Variants in CHORDC1 observed in about 807,000 individuals in gnomAD.
CHORDC1 encodes cysteine and histidine rich domain containing 1, also known as cysteine and histidine-rich domain-containing protein 1.
Under a neutral mutation model 48.3 loss-of-function variants are expected in CHORDC1, and 25 were observed. The observed-to-expected ratio is 0.52, with a 90% CI of 0.38 to 0.72. The LOEUF (loss-of-function observed/expected upper bound fraction) is 0.72, where lower values mean the gene tolerates loss of function less well. CHORDC1 is among the 30% of genes least tolerant of loss of function. CHORDC1 has a pLI of 0.00. For synonymous variants in CHORDC1, 128 were observed against 126.4 expected, an observed-to-expected ratio of 1.01 and a Z score of -0.09; for missense variants, 317 against 388.7, an observed-to-expected ratio of 0.82 and a Z score of 1.55.
At chr11:90,220,959 A>C (rs970296753) in intron 1 of CHORDC1, among the ~76,000 whole-genome samples, 3 of 152,142 alleles carry the variant, frequency 2.0e-5, no homozygotes, top group Admixed American at 1.3e-4. Context: ...TGTCTCCCTT[A>C]AACACCCTTT....
At chr11:90,221,482 A>T (rs1400265238) in intron 1 of CHORDC1, among the ~76,000 whole-genome samples, 1 of 152,220 alleles carries the variant, frequency 6.6e-6, no homozygotes, top group Non-Finnish European at 1.5e-5. Flanking sequence ...CAATTCACAC[A>T]TGGATACAGA....
At position 90,202,843 on chromosome 11, in the gene CHORDC1, C is replaced by T. The variant is rs1270645617; in HGVS notation, c.822G>A (p.Lys274=). 12 of 1,600,480 alleles carry T rather than the reference C, an allele frequency of 7.5e-6. 1 individual carries two copies. The highest frequency in any genetic ancestry group is 5.4e-5 in the African/African-American group (4 of 74,102). Residue 274 remains lysine, a synonymous_variant, in exon 10 of 11, where the codon AAG becomes AAA. Transcript: ENST00000320585. The stretch of plus-strand genomic sequence containing the variant: ...ATAATTTCACATTTTGATCAAATTC[C>T]TTCTCTCCTTCAAATACAATATGCA... ...LNVHIVFEGE[K]EFDQNVKLWG...
At chr11:90,205,658 C>T (rs2135029912) in intron 7 of CHORDC1, 93 bp from the exon 8 acceptor site, 1 of 763,610 alleles carries the variant, frequency 1.3e-6, no homozygotes, top group East Asian at 2.6e-5. Flanking sequence ...TTTAATAAGC[C>T]AGTAAGTGTA....
At chr11:90,207,779 C>CAAAAAAAAAAAAAA (rs1231587858) in intron 6 of CHORDC1, 2 of 91,304 alleles carry the variant, frequency 2.2e-5, no homozygotes, top group Non-Finnish European at 4.3e-5. Context: ...AAAAAAAAAA[C>CAAAAAAAAAAAAAA]AAAAAAAACT....
chr11:90,216,355 A>G (rs1259510115), intron 2 of CHORDC1: 1 of 246,036 alleles, frequency 4.1e-6, no homozygotes, highest in Non-Finnish European at 8.0e-6. Context: ...TTATGTGAAT[A>G]TAAGGTTGCT....
At chr11:90,206,564 A>G in intron 6 of CHORDC1, 1 of 363,918 alleles carries the variant, frequency 2.7e-6, no homozygotes, top group Non-Finnish European at 5.2e-6. Flanking sequence ...TACTAATTTC[A>G]AAAACAATGT....
chr11:90,205,268 G>C (rs1001629203), intron 8 of CHORDC1, among the ~76,000 whole-genome samples, 192 bp downstream of exon 8: 3 of 152,128 alleles, frequency 2.0e-5, no homozygotes, highest in African/African-American at 7.2e-5. Flanking sequence ...AACAGACAAT[G>C]GCTATTTTGC....
intron 8 of CHORDC1, among the ~76,000 whole-genome samples, chr11:90,204,645 C>T (rs1003925641): frequency 2.0e-5 from 3 of 151,640 alleles, no homozygotes; most frequent in Admixed American, 6.6e-5. Flanking sequence ...TGCTTGAACC[C>T]GGGAGGCGGA....
chr11:90,204,556 T>C (rs1263481024), intron 8 of CHORDC1, among the ~76,000 whole-genome samples: 1 of 151,954 alleles, frequency 6.6e-6, no homozygotes. Context: ...CTGTCTCTAT[T>C]AAATATACAA....
chr11:90,206,817 A>C, intron 6 of CHORDC1: 1 of 1,271,132 alleles, frequency 7.9e-7, no homozygotes, highest in Non-Finnish European at 1.0e-6. Context: ...GGCTCTACAG[A>C]TGAATTCACA....
intron 6 of CHORDC1, chr11:90,206,735 A>G: frequency 7.9e-7 from 1 of 1,258,418 alleles, no homozygotes; most frequent in Non-Finnish European, 1.0e-6. Flanking sequence ...AAAGGGTAAA[A>G]TGAGCTGCAG....
At position 90,201,559 on chromosome 11, in the gene CHORDC1, T is replaced by G. The variant is rs890261222; in HGVS notation, c.*846A>C. 2.6e-5 allele frequency: 4 copies of G among 152,414 alleles called. No homozygotes were observed. The highest frequency in any genetic ancestry group is 9.7e-5 in the African/African-American group (4 of 41,450). The allele number at this position is 152,414 out of a possible 1,614,324, so 9.4% of individuals were successfully genotyped here. ...CAAACCTTTTAAGTCTACAATTTTA[T>G]ATAGTTTTCCATCAGGGAGGCAAGA... is the stretch of plus-strand genomic sequence containing the variant. On this transcript the variant is annotated 3_prime_UTR_variant, in exon 11 of 11. Transcript: ENST00000320585.
At position 90,203,317 on chromosome 11, in the gene CHORDC1, A is replaced by C. The variant is rs1565166198; in HGVS notation, c.780T>G (p.Asn260Lys). Residue 260 changes from asparagine to lysine, a missense_variant, in exon 9 of 11, where the codon AAT (asparagine) becomes AAG (lysine). Physicochemically the swap from Asn to Lys is moderately conservative, Grantham distance 94. Coordinates refer to ENST00000320585, the MANE Select transcript of CHORDC1 (RefSeq NM_012124.3). ...TATAAGATGTACTTACCAATGTGCT[A>C]TTTGCTTCTACTCGGCTAAGTTCTG... is the stretch of plus-strand genomic sequence containing the variant. Reference protein sequence around the residue: ...SLPELSRVEANSTLLNVHIVF... With the variant: ...SLPELSRVEAKSTLLNVHIVF... 9.4e-6 allele frequency: 15 copies of C among 1,592,376 alleles called. No individual in the cohort carries two copies. Among genetic ancestry groups the C allele is most frequent in the Non-Finnish European group, 1.3e-5 (15 of 1,165,472 alleles).
rs1303838089 is a variant in CHORDC1, at chr11:90,203,444, ACT to A, written c.670-19_670-18del. ...TTTTTTCCCCTGTAATGTAAGAGAA[ACT>A]CTGTAAGTTAAAAAAGTGCCACATA... On this transcript the variant is annotated intron_variant, in intron 8 of 10. Transcript: ENST00000320585. 1.3e-6 allele frequency: 2 copies of A among 1,516,042 alleles called. No homozygotes were observed. The highest frequency in any genetic ancestry group is 2.7e-5 in the African/African-American group (2 of 73,570). 93.9% of individuals were successfully genotyped at this position (1,516,042 alleles called of 1,614,324 possible). A position where few individuals can be genotyped will look rare whatever the true frequency, so the allele number is the denominator to read the frequency against.
At position 90,206,171 on chromosome 11, in the gene CHORDC1, A is replaced by G. The variant is rs757314095; in HGVS notation, c.563+31T>C. 6.4e-6 allele frequency: 8 copies of G among 1,240,656 alleles called. No individual in the cohort carries two copies. In the East Asian group the frequency reaches 7.0e-5, roughly 11 times the overall value. The allele number at this position is 1,240,656 out of a possible 1,614,324, so 76.9% of individuals were successfully genotyped here. A position where few individuals can be genotyped will look rare whatever the true frequency, so the allele number is the denominator to read the frequency against. ...GGTTTAACTTTCTAAATTCTACCAT[A>G]AACTATTTTAATAAGTCATGCATAA... On this transcript the variant is annotated intron_variant, in intron 7 of 10. Transcript: ENST00000320585.
rs1365725627 is a variant in CHORDC1, at chr11:90,203,341, TG to T, written c.755del (p.Pro252GlnfsTer6). The T allele has an allele frequency of 6.3e-7, 1 of 1,599,900 alleles. No homozygotes were observed. Among genetic ancestry groups the T allele is most frequent in the Non-Finnish European group, 8.5e-7 (1 of 1,170,388 alleles). On this transcript the variant is annotated frameshift_variant, in exon 9 of 11. Transcript: ENST00000320585. LOFTEE classifies it high-confidence loss of function. ...TATTTGCTTCTACTCGGCTAAGTTC[TG>T]GAAGTGAGTTTTTAGCATATACTGA... ...TISVYAKNSL[P>X]ELSRVEANST... is the part of the protein sequence containing the mutation.
chr11:90,222,561 G>A (rs974507019), intron 1 of CHORDC1: 17 of 551,694 alleles, frequency 3.1e-5, no homozygotes, highest in Non-Finnish European at 4.8e-5. Context: ...GAGACTGGAG[G>A]GCCAGAGGAG....
At chr11:90,206,117 G>C in intron 7 of CHORDC1, 85 bp downstream of exon 7, 1 of 847,066 alleles carries the variant, frequency 1.2e-6, no homozygotes, top group Non-Finnish European at 2.0e-6. Context: ...TAATAACACT[G>C]CATGGCAAAC....
At chr11:90,213,628 A>G (rs959749391) in intron 4 of CHORDC1, 2 of 460,252 alleles carry the variant, frequency 4.3e-6, no homozygotes, top group African/African-American at 2.0e-5. Context: ...ATCTGAAAGT[A>G]AAGATGGATG....
Sources: allele counts gnomAD v4.1 joint callset (sites outside exome capture counted in the v4.1 genomes callset), GRCh38; gene constraint gnomAD v4.1.1; transcripts MANE v1.5; gene names NCBI Gene and HGNC (gene_info 2026-07-23, HGNC 2026-07-21).